DTD1: variants seen among roughly 807,000 people sequenced by gnomAD.
DTD1 encodes D-tyrosyl-tRNA deacylase 1 homolog.
In DTD1, 13 loss-of-function variants were observed where a neutral mutation model predicts 25.6. That is an observed-to-expected ratio of 0.51 (90% CI 0.33 to 0.81). The LOEUF is 0.81. Among genes scored for constraint, DTD1 ranks in the 30% least tolerant of loss-of-function variants. DTD1 has a pLI of 0.02. For missense variants in DTD1, 193 were observed against 266.4 expected (o/e 0.72, Z 1.92); for synonymous variants, 110 against 103.6 (o/e 1.06, Z -0.37).
At chr20:18,647,480 A>G (rs2060854630) in intron 4 of DTD1, among the ~76,000 whole-genome samples, 1 of 152,136 alleles carries the variant, frequency 6.6e-6, no homozygotes, top group South Asian at 2.1e-4. Flanking sequence ...TGAGCACAGA[A>G]CAGATGTCTT....
chr20:18,635,729 A>G (rs971777732), intron 4 of DTD1, among the ~76,000 whole-genome samples: 14 of 152,200 alleles, frequency 9.2e-5, no homozygotes, highest in African/African-American at 3.1e-4. Flanking sequence ...TTTGTTTCCA[A>G]ATAGATGGTT....
chr20:18,618,672 T>TACACACACACACACAC (rs751474809), intron 3 of DTD1, among the ~76,000 whole-genome samples: 21 of 130,564 alleles, frequency 1.6e-4, no homozygotes, highest in Admixed American at 4.9e-4. Flanking sequence ...CATAATTTTA[T>TACACACACACACACAC]ACACACACAC....
chr20:18,641,342 C>A (rs766673181), intron 4 of DTD1, among the ~76,000 whole-genome samples: 1 of 152,290 alleles, frequency 6.6e-6, no homozygotes, highest in South Asian at 2.1e-4. Flanking sequence ...GCTTTTAATT[C>A]CTCTGGGTAA....
chr20:18,656,946 C>T (rs2060893669), intron 4 of DTD1, among the ~76,000 whole-genome samples: 1 of 152,114 alleles, frequency 6.6e-6, no homozygotes, highest in Non-Finnish European at 1.5e-5. Flanking sequence ...AATAATTTGT[C>T]ATACAAAAAA....
At chr20:18,641,779 A>G (rs530572678) in intron 4 of DTD1, among the ~76,000 whole-genome samples, 1 of 152,152 alleles carries the variant, frequency 6.6e-6, no homozygotes, top group African/African-American at 2.4e-5. Flanking sequence ...TAACAGATAG[A>G]TGATCTGCAA....
chr20:18,656,997 T>G (rs1215513580), intron 4 of DTD1, among the ~76,000 whole-genome samples: 2 of 152,240 alleles, frequency 1.3e-5, no homozygotes, highest in African/African-American at 4.8e-5. Context: ...ATACCTTTAT[T>G]CAACTTTCCT....
At position 18,659,573 on chromosome 20, in the gene DTD1, T is replaced by A. The variant is rs550541700; in HGVS notation, c.477+31340T>A. Among the ~76,000 whole-genome samples the A allele has an allele frequency of 2.2e-3, 328 of 152,328 alleles. 1 individual carries two copies. The highest frequency in any genetic ancestry group is 3.6e-3 in the Non-Finnish European group (246 of 68,030). ...TATTATGGTTAATCAAAAAATATAT[T>A]TTTTTAAGAATGAGTTTATATTCTT... On this transcript the variant is annotated intron_variant, in intron 4 of 5. Transcript: ENST00000377452.
rs1408467877 is a variant in DTD1, at chr20:18,628,174, C to T, written c.418C>T (p.Pro140Ser). 1.2e-6 allele frequency: 2 copies of T among 1,613,800 alleles called. No homozygotes were observed. Among genetic ancestry groups the T allele is most frequent in the Admixed American group, 1.7e-5 (1 of 59,976 alleles). ...GCAGGTGCACATTCAGAATGATGGGCCTGTGACCATAGAGCTGGAATCGCC... is the reference window on the plus strand; with the variant it reads ...GCAGGTGCACATTCAGAATGATGGGTCTGTGACCATAGAGCTGGAATCGCC... Reference protein sequence around the residue: ...YMQVHIQNDGPVTIELESPAP... With the variant: ...YMQVHIQNDGSVTIELESPAP... The change falls in exon 4 of 6, where the codon CCT (proline) becomes TCT (serine). Residue 140 changes from proline to serine, a missense_variant. Pro to Ser is a moderately conservative substitution (Grantham distance 74). Coordinates refer to ENST00000377452, the MANE Select transcript of DTD1 (RefSeq NM_080820.6).
chr20:18,704,600 G>C (rs756097025), intron 4 of DTD1, among the ~76,000 whole-genome samples: 2 of 152,072 alleles, frequency 1.3e-5, no homozygotes, highest in Non-Finnish European at 2.9e-5. Flanking sequence ...GCCATGGTTC[G>C]CACCCATTTT....
chr20:18,736,727 G>A (rs566621514), intron 4 of DTD1, among the ~76,000 whole-genome samples: 1 of 152,080 alleles, frequency 6.6e-6, no homozygotes, highest in South Asian at 2.1e-4. Context: ...CCCCAACTCC[G>A]AAGGCAAGCC....
At chr20:18,662,426 T>TG (rs796069423) in intron 4 of DTD1, among the ~76,000 whole-genome samples, 34 of 151,360 alleles carry the variant, frequency 2.2e-4, no homozygotes, top group Admixed American at 7.3e-4. Flanking sequence ...CAGCTGGGGG[T>TG]GGGGGGGAGA....
intron 4 of DTD1, chr20:18,631,713 T>C: frequency 2.0e-6 from 2 of 985,420 alleles, no homozygotes; most frequent in Non-Finnish European, 2.4e-6. Flanking sequence ...TCATTCTCTC[T>C]GGGTTTTTGT....
chr20:18,698,758 A>G (rs1168050312), intron 4 of DTD1: 1 of 152,224 alleles, frequency 6.6e-6, no homozygotes, highest in Non-Finnish European at 1.5e-5. Context: ...CATGGCTGAA[A>G]GTCACAGTCA....
intron 4 of DTD1, among the ~76,000 whole-genome samples, chr20:18,730,443 C>G (rs2041248686): frequency 1.3e-5 from 2 of 152,212 alleles, no homozygotes; most frequent in African/African-American, 2.4e-5. Flanking sequence ...TATTCCTTTC[C>G]TCAAACCCTT....
intron 4 of DTD1, among the ~76,000 whole-genome samples, chr20:18,673,800 G>A (rs993245392): frequency 6.6e-6 from 1 of 151,970 alleles, no homozygotes; most frequent in Non-Finnish European, 1.5e-5. Context: ...ACGTTGATCT[G>A]ATTAGTTTTC....
chr20:18,667,776 C>A (rs2060937370), intron 4 of DTD1, among the ~76,000 whole-genome samples: 2 of 152,140 alleles, frequency 1.3e-5, no homozygotes, highest in African/African-American at 4.8e-5. Context: ...CAGAAAGCCC[C>A]CCACCTGAGC....
At chr20:18,599,262 A>C (rs12625763) in intron 3 of DTD1, among the ~76,000 whole-genome samples, 77,504 of 151,316 alleles carry the variant, frequency 0.51, 20,147 homozygotes, top group Middle Eastern at 0.56. Flanking sequence ...GCAACCTCTG[A>C]CTCACGGGTT....
chr20:18,660,284 A>G (rs570627074), intron 4 of DTD1, among the ~76,000 whole-genome samples: 3 of 152,258 alleles, frequency 2.0e-5, no homozygotes, highest in East Asian at 3.9e-4. Context: ...TAGTGGTGTG[A>G]TCATGGCTTA....
At chr20:18,655,348 A>G (rs2060887716) in intron 4 of DTD1, among the ~76,000 whole-genome samples, 1 of 152,222 alleles carries the variant, frequency 6.6e-6, no homozygotes, top group Admixed American at 6.5e-5. Context: ...GTACTAGGCC[A>G]GTTGCTTTAT....
Sources: gnomAD v4.1 joint callset for allele counts (sites outside exome capture counted in the v4.1 genomes callset) on GRCh38, gnomAD v4.1.1 for gene constraint, MANE v1.5 for transcripts, NCBI Gene and HGNC (gene_info 2026-07-23, HGNC 2026-07-21) for gene names.